ATF7IP2: variants seen among roughly 807,000 people sequenced by gnomAD.
ATF7IP2 encodes the protein activating transcription factor 7 interacting protein 2.
ATF7IP2 carries 42 observed loss-of-function variants against 64.2 expected under a neutral mutation model. That is an observed-to-expected ratio of 0.65 (90% confidence interval 0.51 to 0.85). ATF7IP2 has a LOEUF of 0.85. Ranked by LOEUF, ATF7IP2 falls within the 40% of genes least tolerant of loss-of-function variation. ATF7IP2 has a pLI of 0.00. For synonymous variants in ATF7IP2, 308 were observed against 272.8 expected (o/e 1.13, Z -1.27); for missense variants, 933 against 784.2 (o/e 1.19, Z -2.27).
chr16:10,445,347 A>T (rs1432660748), intron 8 of ATF7IP2: 1 of 152,148 alleles, frequency 6.6e-6, no homozygotes, highest in East Asian at 1.9e-4. Flanking sequence ...AGGGGGAGGA[A>T]GGCAAGGAGT....
chr16:10,450,769 G>T (rs1377581504), intron 8 of ATF7IP2, among the ~76,000 whole-genome samples: 1 of 151,976 alleles, frequency 6.6e-6, no homozygotes, highest in South Asian at 2.1e-4. Context: ...TCTTTATCCA[G>T]TTTGCCAGTC....
chr16:10,421,518 A>G (rs1220618353), intron 3 of ATF7IP2, among the ~76,000 whole-genome samples: 2 of 152,152 alleles, frequency 1.3e-5, no homozygotes, highest in African/African-American at 4.8e-5. Context: ...AAGTCACTTA[A>G]TGTTTTCAAT....
chr16:10,435,520 A>T (rs1245864212), intron 6 of ATF7IP2, among the ~76,000 whole-genome samples: 1 of 152,204 alleles, frequency 6.6e-6, no homozygotes, highest in Non-Finnish European at 1.5e-5. Flanking sequence ...GAGGTATTTG[A>T]TGGAGGTTAT....
intron 1 of ATF7IP2, among the ~76,000 whole-genome samples, chr16:10,409,203 G>A (rs2047702548): frequency 6.6e-6 from 1 of 152,172 alleles, no homozygotes; most frequent in Admixed American, 6.5e-5. Context: ...GAAGGGGGAT[G>A]TGAGTTACAG....
chr16:10,440,569 A>C, intron 8 of ATF7IP2, 107 bp downstream of exon 8: 1 of 679,038 alleles, frequency 1.5e-6, no homozygotes. Flanking sequence ...TGTAAAGGTA[A>C]GTAAGTTTTT....
chr16:10,477,392 T>C (rs1203767783), intron 12 of ATF7IP2, among the ~76,000 whole-genome samples: 3 of 152,294 alleles, frequency 2.0e-5, no homozygotes, highest in Admixed American at 1.3e-4. Context: ...ATTATCTCAA[T>C]AGATGCAGAA....
chr16:10,460,786 G>A (rs947230144), intron 9 of ATF7IP2, among the ~76,000 whole-genome samples: 7 of 152,112 alleles, frequency 4.6e-5, no homozygotes, highest in South Asian at 2.1e-4. Context: ...CTTGGATAGG[G>A]AATGTTTTCT....
intron 12 of ATF7IP2, among the ~76,000 whole-genome samples, chr16:10,478,478 C>T (rs2050091347): frequency 6.6e-6 from 1 of 152,170 alleles, no homozygotes; most frequent in Admixed American, 6.5e-5. Context: ...TGGATCCCTT[C>T]CTTACACCTT....
intron 1 of ATF7IP2, among the ~76,000 whole-genome samples, chr16:10,405,959 C>G (rs541320269): frequency 1.2e-4 from 18 of 152,020 alleles, no homozygotes; most frequent in Non-Finnish European, 2.4e-4. Context: ...TGTGGTGGCA[C>G]GTGCCTGTAA....
chr16:10,435,807 A>G (rs979074808), intron 6 of ATF7IP2, among the ~76,000 whole-genome samples: 16 of 152,252 alleles, frequency 1.1e-4, no homozygotes, highest in Admixed American at 9.2e-4. Flanking sequence ...TTTCCAAAAG[A>G]TTGTGTTTGG....
At chr16:10,450,895 G>C (rs1055521557) in intron 8 of ATF7IP2, among the ~76,000 whole-genome samples, 2 of 152,196 alleles carry the variant, frequency 1.3e-5, no homozygotes, top group Non-Finnish European at 2.9e-5. Context: ...AGTTGATGCA[G>C]TTTCTTCACA....
At chr16:10,391,820 C>T (rs776377682) in intron 1 of ATF7IP2, among the ~76,000 whole-genome samples, 6 of 151,430 alleles carry the variant, frequency 4.0e-5, no homozygotes, top group East Asian at 3.9e-4. Context: ...TGCTTAAACC[C>T]GGGAGGTGGA....
At chr16:10,411,587 T>G (rs2047761110) in intron 1 of ATF7IP2, among the ~76,000 whole-genome samples, 1 of 151,934 alleles carries the variant, frequency 6.6e-6, no homozygotes, top group South Asian at 2.1e-4. Context: ...CCAGGCTGGT[T>G]TGAACTCCTG....
chr16:10,444,506 G>A (rs145484460), intron 8 of ATF7IP2, among the ~76,000 whole-genome samples: 374 of 152,258 alleles, frequency 2.5e-3, no homozygotes, highest in African/African-American at 7.3e-3. Context: ...GAGACCTTGG[G>A]TCCTAAGAGA....
intron 9 of ATF7IP2, 69 bp from the exon 10 acceptor site, chr16:10,472,041 A>C: frequency 2.8e-6 from 2 of 712,588 alleles, no homozygotes; most frequent in Admixed American, 5.0e-5. Flanking sequence ...ACTCCTAACC[A>C]CTAATTGCAT....
In ATF7IP2 at chr16:10,457,500, A is replaced by T. The variant is rs141776960; in HGVS notation, c.1323A>T (p.Ser441=). 205 of 1,595,746 alleles carry T rather than the reference A, an allele frequency of 1.3e-4. No homozygotes were observed. The highest frequency in any genetic ancestry group is 2.0e-5 in the Non-Finnish European group (24 of 1,174,422). Residue 441 remains serine (S), a synonymous_variant, in exon 9 of 14, where the codon TCA becomes TCT. Transcript: ENST00000562102. ...AAGGAAGTAAAAAAATTAATTTGTC[A>T]TCAGATCAAAATAAGTCTGTTTCTG... ...SEKGSKKINL[S]SDQNKSVSES... is the part of the protein sequence containing the mutation.
intron 1 of ATF7IP2, among the ~76,000 whole-genome samples, chr16:10,391,518 G>C (rs957076459): frequency 1.3e-5 from 2 of 152,136 alleles, no homozygotes; most frequent in Non-Finnish European, 2.9e-5. Flanking sequence ...GCCTCTTTTT[G>C]TCTTTTTTGT....
chr16:10,454,876 G>A (rs1005615863), intron 8 of ATF7IP2, among the ~76,000 whole-genome samples: 3 of 152,078 alleles, frequency 2.0e-5, no homozygotes, highest in Non-Finnish European at 4.4e-5. Context: ...AAATATTTGT[G>A]ACTTCTAGGT....
chr16:10,451,805 T>A (rs2048994303), intron 8 of ATF7IP2, among the ~76,000 whole-genome samples: 1 of 152,044 alleles, frequency 6.6e-6, no homozygotes, highest in Admixed American at 6.6e-5. Context: ...ACACCTGTAA[T>A]CCCAGCACTT....
Sources: allele counts gnomAD v4.1 joint callset (sites outside exome capture counted in the v4.1 genomes callset), GRCh38; gene constraint gnomAD v4.1.1; transcripts MANE v1.5; gene names NCBI Gene and HGNC (gene_info 2026-07-23, HGNC 2026-07-21).